Variants in ZMYND15 observed in about 807,000 individuals in gnomAD.
ZMYND15 encodes the protein zinc finger MYND-type containing 15.
ZMYND15 carries 54 observed loss-of-function variants against 81.7 expected under a neutral mutation model. The observed-to-expected ratio is 0.66, with a 90% CI of 0.53 to 0.83. The LOEUF (loss-of-function observed/expected upper bound fraction) is 0.83, where lower values mean the gene tolerates loss of function less well. Ranked by LOEUF, ZMYND15 falls within the 40% of genes least tolerant of loss-of-function variation. The probability of loss-of-function intolerance (pLI) is 0.00; values close to 1 mark genes in which losing one functional copy is unlikely to be tolerated. For synonymous variants in ZMYND15, 399 were observed against 387.0 expected (o/e 1.03, Z -0.36); for missense variants, 925 against 973.5 (o/e 0.95, Z 0.66).
chr17:4,745,246 G>T lies in ZMYND15; in HGVS notation c.1928G>T (p.Ser643Ile). ...SLRVPAFFTE[S>I]SEYSCVMDGQ... ...CGAGTGCCAGCCTTCTTCACCGAGA[G>T]CAGCGAGTACAGCTGTGTGATGGAC... The change falls in exon 13 of 14, where the codon AGC (serine) becomes ATC (isoleucine). Residue 643 changes from serine to isoleucine, a missense_variant. Transcript: ENST00000433935. The surrounding 1 kb of genome is among the most constrained non-coding windows in gnomAD (Gnocchi z 5.2). 6.2e-7 allele frequency: 1 copy of T among 1,614,024 alleles called. No homozygotes were observed. The highest frequency in any genetic ancestry group is 8.5e-7 in the Non-Finnish European group (1 of 1,179,994).
Position 4,743,779 on chromosome 17 carries a change from A to G in ZMYND15, c.1310A>G (p.Gln437Arg). The G allele has an allele frequency of 6.2e-7, 1 of 1,613,948 alleles. No individual in the cohort carries two copies. The highest frequency in any genetic ancestry group is 8.5e-7 in the Non-Finnish European group (1 of 1,179,956). Residue 437 changes from glutamine (Q) to arginine (R), a missense_variant, in exon 7 of 14, where the codon CAG (glutamine) becomes CGG (arginine). Coordinates refer to ENST00000433935, the MANE Select transcript of ZMYND15 (RefSeq NM_001136046.3). The surrounding 1 kb of genome is among the most constrained non-coding windows in gnomAD (Gnocchi z 4.3). ...TTCATCCTCTCAGGAGACCCCTACCAGCTTCTCCAGGGAGACGGGACTGCC... is the reference window on the plus strand; with the variant it reads ...TTCATCCTCTCAGGAGACCCCTACCGGCTTCTCCAGGGAGACGGGACTGCC... ...LSLLRGGDPY[Q>R]LLQGDGTALM...
Position 4,743,561 on chromosome 17 carries a change from C to G in ZMYND15, c.1297+106C>G. 1 of 1,496,508 alleles carries G rather than the reference C, an allele frequency of 6.7e-7. No individual in the cohort carries two copies. 92.7% of individuals were successfully genotyped at this position (1,496,508 alleles called of 1,614,324 possible). On this transcript the variant is annotated intron_variant, in intron 6 of 13. Transcript: ENST00000433935. The surrounding 1 kb of genome is among the most constrained non-coding windows in gnomAD (Gnocchi z 4.3). ...CCTCCACATACACACTGACCCCTAC[C>G]AACAGCACCAGGGCCATTTCAGGCC...
In ZMYND15 at chr17:4,740,390, G is replaced by A. The variant is rs1343432008; in HGVS notation, c.-30-129G>A. On this transcript the variant is annotated intron_variant, in intron 1 of 13. Coordinates refer to ENST00000433935, the MANE Select transcript of ZMYND15 (RefSeq NM_001136046.3). ...TCAGCCCTGAAAAATCCTCTTCTCC[G>A]CTCCTAGCATATCCACGGATCCAAC... 3.0e-6 allele frequency: 4 copies of A among 1,336,202 alleles called. No individual in the cohort carries two copies. The African/African-American group carries it at 4.5e-5, about 15-fold the overall frequency. The allele number at this position is 1,336,202 out of a possible 1,614,324, so 82.8% of individuals were successfully genotyped here. A position where few individuals can be genotyped will look rare whatever the true frequency, so the allele number is the denominator to read the frequency against.
At position 4,742,492 on chromosome 17, in the gene ZMYND15, G is replaced by A. The variant is rs1226170190; in HGVS notation, c.1144+1G>A. 2 of 1,613,514 alleles carry A rather than the reference G, an allele frequency of 1.2e-6. No homozygotes were observed. The highest frequency in any genetic ancestry group is 1.7e-6 in the Non-Finnish European group (2 of 1,179,618). ...ACCCTGCCTTTTACCTACACCGCAG[G>A]TACCATAAGGAGGTCAGAATGGTTG... On this transcript the variant is annotated splice_donor_variant, in intron 5 of 13. Coordinates refer to ENST00000433935, the MANE Select transcript of ZMYND15 (RefSeq NM_001136046.3). LOFTEE classifies it high-confidence loss of function.
Position 4,743,867 on chromosome 17 carries a change from T to C in ZMYND15, c.1378+20T>C, listed in dbSNP as rs747363283. The stretch of plus-strand genomic sequence containing the variant: ...TTTTTGGTGAGCTGGAGGGGCCCTG[T>C]GGAAGCTAGGGGTAGGGCCAGGGAC... On this transcript the variant is annotated intron_variant, in intron 7 of 13. Coordinates refer to ENST00000433935, the MANE Select transcript of ZMYND15 (RefSeq NM_001136046.3). The surrounding 1 kb of genome is among the most constrained non-coding windows in gnomAD (Gnocchi z 4.3). The C allele has an allele frequency of 1.2e-6, 2 of 1,612,244 alleles. No homozygotes were observed. Among genetic ancestry groups the C allele is most frequent in the South Asian group, 2.2e-5 (2 of 90,762 alleles).
At position 4,744,348 on chromosome 17, in the gene ZMYND15, T is replaced by G; in HGVS notation, c.1585-21T>G. 1 of 1,613,496 alleles carries G rather than the reference T, an allele frequency of 6.2e-7. No individual in the cohort carries two copies. Among genetic ancestry groups the G allele is most frequent in the East Asian group, 2.2e-5 (1 of 44,866 alleles). On this transcript the variant is annotated intron_variant, in intron 9 of 13. Transcript: ENST00000433935. This position sits in a 1 kb window ranked among gnomAD's most constrained non-coding sequence, Gnocchi z 4.1. Reference sequence around the variant, plus strand: ...TGGGCACAGGGTAGACCCCAGATCTTTCTTTCTTTCTGTCCTTCAGGAGCT... The same window carrying G: ...TGGGCACAGGGTAGACCCCAGATCTGTCTTTCTTTCTGTCCTTCAGGAGCT...
At position 4,744,745 on chromosome 17, in the gene ZMYND15, C is replaced by T. The variant is rs1279524261; in HGVS notation, c.1804C>T (p.Leu602=). 4.3e-6 allele frequency: 7 copies of T among 1,614,066 alleles called. No homozygotes were observed. Among genetic ancestry groups the T allele is most frequent in the Non-Finnish European group, 3.4e-6 (4 of 1,180,026 alleles). Residue 602 remains leucine, a synonymous_variant, in exon 11 of 14, where the codon CTG becomes TTG. Transcript: ENST00000433935. The surrounding 1 kb of genome is among the most constrained non-coding windows in gnomAD (Gnocchi z 4.1). Reference sequence around the variant, plus strand: ...CAAGGTGTCAGCAAGGCCCTACCACCTGTTCCAGGGGCCCAAGCCTGACCT... The same window carrying T: ...CAAGGTGTCAGCAAGGCCCTACCACTTGTTCCAGGGGCCCAAGCCTGACCT... ...QIKVSARPYH[L]FQGPKPDLVI...
rs1567699393 is a variant in ZMYND15, at chr17:4,744,089, C to T, written c.1477C>T (p.His493Tyr). 6.3e-7 allele frequency: 1 copy of T among 1,586,472 alleles called. No individual in the cohort carries two copies. The highest frequency in any genetic ancestry group is 8.6e-7 in the Non-Finnish European group (1 of 1,166,006). Residue 493 changes from histidine to tyrosine, a missense_variant, in exon 8 of 14, where the codon CAC (histidine) becomes TAC (tyrosine). His to Tyr is a moderately conservative substitution (Grantham distance 83, BLOSUM62 2). Coordinates refer to ENST00000433935, the MANE Select transcript of ZMYND15 (RefSeq NM_001136046.3). This position sits in a 1 kb window ranked among gnomAD's most constrained non-coding sequence, Gnocchi z 4.1. ...GCTGACCGTGTACTACGTCATCACCCACCTGGTGCCCCAGTCCTGTAAGGA... is the reference window on the plus strand; with the variant it reads ...GCTGACCGTGTACTACGTCATCACCTACCTGGTGCCCCAGTCCTGTAAGGA... ...YPLTVYYVIT[H>Y]LVPQSFPELN...
At chr17:4,740,436 A>C in intron 1 of ZMYND15, 83 bp from the exon 2 acceptor site, 1 of 1,424,714 alleles carries the variant, frequency 7.0e-7, no homozygotes, top group Non-Finnish European at 9.2e-7. Flanking sequence ...TCTCAAACCT[A>C]CCCTCTCCCT....
At position 4,742,030 on chromosome 17, in the gene ZMYND15, G is replaced by T. The variant is rs753063886; in HGVS notation, c.943G>T (p.Val315Leu). 7 of 1,614,050 alleles carry T rather than the reference G, an allele frequency of 4.3e-6. No individual in the cohort carries two copies. Among genetic ancestry groups the T allele is most frequent in the African/African-American group, 4.0e-5 (3 of 74,936 alleles). Residue 315 changes from valine to leucine, a missense_variant, in exon 4 of 14, where the codon GTG becomes TTG. Transcript: ENST00000433935. ...FASLRARTCH[V>L]CHRHSFEAKL... ...TTCCCTTCGTGCTCGAACCTGCCAT[G>T]TGTGTCACAGGCACAGCTTTGAAGC...
intron 5 of ZMYND15, 35 bp downstream of exon 5, chr17:4,742,526 T>C: frequency 6.2e-7 from 1 of 1,606,546 alleles, no homozygotes; most frequent in Non-Finnish European, 8.5e-7. Flanking sequence ...TGGGGGAAAC[T>C]GGGACCAGGT....
Position 4,741,785 on chromosome 17 carries a change from C to A in ZMYND15, c.796C>A (p.Gln266Lys). Residue 266 changes from glutamine to lysine, a missense_variant, in exon 3 of 14, where the codon CAG (glutamine) becomes AAG (lysine). Transcript: ENST00000433935. ...MGSGDPRKPR[Q>K]LTVGDARLHR... ...CTCTGGGGATCCCCGAAAGCCCCGA[C>A]AGCTTACTGTGGGAGATGCCCGGCT... 6.3e-7 allele frequency: 1 copy of A among 1,579,814 alleles called. No homozygotes were observed. Among genetic ancestry groups the A allele is most frequent in the Middle Eastern group, 1.7e-4 (1 of 5,866 alleles).
chr17:4,746,039 G>A lies in ZMYND15; in HGVS notation c.*49G>A. On this transcript the variant is annotated 3_prime_UTR_variant, in exon 14 of 14. Coordinates refer to ENST00000433935, the MANE Select transcript of ZMYND15 (RefSeq NM_001136046.3). ...AGCTCCCAAACACTGAAAGGAAAAC[G>A]TGAAAACACTCAAGGCCTAGGGGGA... 7.2e-7 allele frequency: 1 copy of A among 1,394,598 alleles called. No homozygotes were observed. Among genetic ancestry groups the A allele is most frequent in the Non-Finnish European group, 9.3e-7 (1 of 1,073,238 alleles). The allele number at this position is 1,394,598 out of a possible 1,614,324, so 86.4% of individuals were successfully genotyped here.
chr17:4,744,943 C>CA lies in ZMYND15; in HGVS notation c.1896+19dup. ...CCCGGTTACAGGTGGGCAATGGGGG[C>CA]AAAAGGGAACTTCTCTCCCCTCCTG... On this transcript the variant is annotated intron_variant, in intron 12 of 13. Coordinates refer to ENST00000433935, the MANE Select transcript of ZMYND15 (RefSeq NM_001136046.3). The surrounding 1 kb of genome is among the most constrained non-coding windows in gnomAD (Gnocchi z 4.1). 1 of 1,614,032 alleles carries CA rather than the reference C, an allele frequency of 6.2e-7. No homozygotes were observed. The highest frequency in any genetic ancestry group is 8.5e-7 in the Non-Finnish European group (1 of 1,179,952).
chr17:4,744,086 A>G lies in ZMYND15; in HGVS notation c.1474A>G (p.Thr492Ala), dbSNP rs765746723. Residue 492 changes from threonine to alanine, a missense_variant, in exon 8 of 14, where the codon ACC (threonine) becomes GCC (alanine). Thr to Ala is a moderately conservative substitution (Grantham distance 58). Transcript: ENST00000433935. This position sits in a 1 kb window ranked among gnomAD's most constrained non-coding sequence, Gnocchi z 4.1. ...TYPLTVYYVI[T>A]HLVPQSFPEL... is the part of the protein sequence containing the mutation. ...CCCGCTGACCGTGTACTACGTCATC[A>G]CCCACCTGGTGCCCCAGTCCTGTAA... is the stretch of plus-strand genomic sequence containing the variant. The G allele has an allele frequency of 1.3e-6, 2 of 1,583,786 alleles. No individual in the cohort carries two copies. Among genetic ancestry groups the G allele is most frequent in the East Asian group, 4.7e-5 (2 of 42,878 alleles).
rs535232679 is a variant in ZMYND15 at position 4,743,188 on chromosome 17, G to A, written c.1145-115G>A. ...CAAGAGGTCGAGGCTGTAGTGTCCC[G>A]TGATCACGCCACTGCACTCTAGCTT... On this transcript the variant is annotated intron_variant, in intron 5 of 13. Coordinates refer to ENST00000433935, the MANE Select transcript of ZMYND15 (RefSeq NM_001136046.3). The surrounding 1 kb of genome is among the most constrained non-coding windows in gnomAD (Gnocchi z 4.3). 277 of 1,281,850 alleles carry A rather than the reference G, an allele frequency of 2.2e-4. 2 individuals carry two copies. Among genetic ancestry groups the A allele is most frequent in the African/African-American group, 1.6e-3 (106 of 66,692 alleles). The allele number at this position is 1,281,850 out of a possible 1,614,324, so 79.4% of individuals were successfully genotyped here.
At position 4,744,639 on chromosome 17, in the gene ZMYND15, G is replaced by A. The variant is rs760084235; in HGVS notation, c.1698G>A (p.Val566=). The change falls in exon 11 of 14, where the codon GTG becomes GTA. Residue 566 remains valine, a synonymous_variant. Transcript: ENST00000433935. This position sits in a 1 kb window ranked among gnomAD's most constrained non-coding sequence, Gnocchi z 4.1. ...HFTLQRDSLE[V]SVRPGSGISA... Reference sequence around the variant, plus strand: ...GGGCCCCTCAGGACAGCCTGGAGGTGTCTGTCCGGCCTGGTTCCGGCATAT... The same window carrying A: ...GGGCCCCTCAGGACAGCCTGGAGGTATCTGTCCGGCCTGGTTCCGGCATAT... 3.7e-6 allele frequency: 6 copies of A among 1,612,728 alleles called. No homozygotes were observed. The highest frequency in any genetic ancestry group is 1.1e-5 in the South Asian group (1 of 90,984).
rs59912742 is a variant in ZMYND15, at chr17:4,743,238, C to CA, written c.1145-52dup. 0.11 allele frequency: 136,369 copies of CA among 1,282,276 alleles called. 135 individuals carry two copies. The highest frequency in any genetic ancestry group is 0.12 in the South Asian group (8,220 of 68,176). The allele number at this position is 1,282,276 out of a possible 1,614,324, so 79.4% of individuals were successfully genotyped here. ...TGGGTGATAGAGCAAGACTCTGTCT[C>CA]AAAAAAAAAAAAATGTCTGGGGTTC... is the stretch of plus-strand genomic sequence containing the variant. On this transcript the variant is annotated intron_variant, in intron 5 of 13. Coordinates refer to ENST00000433935, the MANE Select transcript of ZMYND15 (RefSeq NM_001136046.3). This position sits in a 1 kb window ranked among gnomAD's most constrained non-coding sequence, Gnocchi z 4.3.
chr17:4,745,994 C>T lies in ZMYND15; in HGVS notation c.*4C>T. On this transcript the variant is annotated 3_prime_UTR_variant, in exon 14 of 14. Transcript: ENST00000433935. The surrounding 1 kb of genome is among the most constrained non-coding windows in gnomAD (Gnocchi z 5.2). ...GGGGGCCCGCCGGCGGAAATGAATG[C>T]TGATACCCTAGTAGTCCCCAGCTCC... 2.1e-6 allele frequency: 3 copies of T among 1,439,274 alleles called. No homozygotes were observed. Among genetic ancestry groups the T allele is most frequent in the Non-Finnish European group, 2.7e-6 (3 of 1,100,940 alleles). 89.2% of individuals were successfully genotyped at this position (1,439,274 alleles called of 1,614,324 possible). A position where few individuals can be genotyped will look rare whatever the true frequency, so the allele number is the denominator to read the frequency against.
Sources: allele counts gnomAD v4.1 joint callset, GRCh38; gene constraint gnomAD v4.1.1; non-coding constraint Gnocchi (gnomAD v3.1); transcripts MANE v1.5; gene names NCBI Gene and HGNC (gene_info 2026-07-23, HGNC 2026-07-21).